Variants in EHBP1 observed in about 807,000 individuals in gnomAD.
EHBP1 encodes EH domain binding protein 1, also known as EH domain-binding protein 1.
Under a neutral mutation model 144.0 loss-of-function variants are expected in EHBP1, and 55 were observed. That is an observed-to-expected ratio of 0.38 (90% CI 0.31 to 0.48). The LOEUF (loss-of-function observed/expected upper bound fraction) is 0.48. EHBP1 is among the 20% of genes least tolerant of loss of function. The probability of loss-of-function intolerance (pLI) is 0.98; values close to 1 mark genes in which losing one functional copy is unlikely to be tolerated. For synonymous variants in EHBP1, 469 were observed against 472.7 expected, an observed-to-expected ratio of 0.99 and a Z score of 0.10; for missense variants, 1,200 against 1,364.2, an observed-to-expected ratio of 0.88 and a Z score of 1.90.
At chr2:62,710,362 AT>A in intron 2 of EHBP1, among the ~76,000 whole-genome samples, 1 of 152,006 alleles carries the variant, frequency 6.6e-6, no homozygotes, top group South Asian at 2.1e-4. Flanking sequence ...CATATTTTAT[AT>A]TTGTATTTAT....
At chr2:62,707,382 C>T (rs1407784287) in intron 2 of EHBP1, 87 bp downstream of exon 2, 9 of 980,654 alleles carry the variant, frequency 9.2e-6, no homozygotes, top group Admixed American at 5.4e-5. Context: ...AGTATATTTA[C>T]CTTTCTATAG....
At chr2:62,799,127 T>C (rs1487731451) in intron 5 of EHBP1, among the ~76,000 whole-genome samples, 1 of 152,122 alleles carries the variant, frequency 6.6e-6, no homozygotes. Flanking sequence ...AGGAAAGATG[T>C]ATGGTTAGAG....
At chr2:62,957,340 AACTTTATT>A (rs1356037421) in intron 14 of EHBP1, among the ~76,000 whole-genome samples, 1 of 152,170 alleles carries the variant, frequency 6.6e-6, no homozygotes, top group Non-Finnish European at 1.5e-5. Flanking sequence ...GATAGAAAGG[AACTTTATT>A]ACTTTATTAA....
At chr2:62,815,545 G>A (rs1280624788) in intron 5 of EHBP1, among the ~76,000 whole-genome samples, 3 of 152,164 alleles carry the variant, frequency 2.0e-5, no homozygotes, top group South Asian at 4.1e-4. Context: ...GCACTTGTCC[G>A]ATTACTTGAG....
At chr2:63,026,434 C>T (rs1017875020) in intron 19 of EHBP1, among the ~76,000 whole-genome samples, 4 of 152,014 alleles carry the variant, frequency 2.6e-5, no homozygotes, top group Non-Finnish European at 5.9e-5. Flanking sequence ...GAGCCTGGCA[C>T]TATTCTAAGT....
chr2:62,947,920 T>C (rs1450811486), intron 12 of EHBP1, among the ~76,000 whole-genome samples: 1 of 152,152 alleles, frequency 6.6e-6, no homozygotes, highest in Non-Finnish European at 1.5e-5. Flanking sequence ...AAAAGAGAGG[T>C]TGATAGAAAT....
At chr2:62,872,960 A>C (rs1015753984) in intron 9 of EHBP1, among the ~76,000 whole-genome samples, 6 of 152,186 alleles carry the variant, frequency 3.9e-5, no homozygotes, top group African/African-American at 1.4e-4. Flanking sequence ...CCTTATTCTG[A>C]TTTAGTGCCT....
intron 10 of EHBP1, among the ~76,000 whole-genome samples, chr2:62,879,546 A>AACACACACACACACACACAC (rs70962798): frequency 8.2e-5 from 11 of 133,790 alleles, no homozygotes; most frequent in East Asian, 6.8e-4. Flanking sequence ...TATTCACAAT[A>AACACACACACACACACACAC]ACACACACAC....
At chr2:62,874,067 T>C (rs1410745240) in intron 9 of EHBP1, among the ~76,000 whole-genome samples, 1 of 152,220 alleles carries the variant, frequency 6.6e-6, no homozygotes, top group African/African-American at 2.4e-5. Context: ...TTACTATTGT[T>C]AATATTTAAC....
intron 1 of EHBP1, among the ~76,000 whole-genome samples, chr2:62,691,594 T>A (rs2033907327): frequency 6.6e-6 from 1 of 152,184 alleles, no homozygotes; most frequent in South Asian, 2.1e-4. Flanking sequence ...CAATATTTGC[T>A]TCTGAACTCC....
intron 7 of EHBP1, among the ~76,000 whole-genome samples, chr2:62,857,006 G>A (rs1478296930): frequency 6.6e-6 from 1 of 152,146 alleles, no homozygotes; most frequent in African/African-American, 2.4e-5. Flanking sequence ...GATGGAGGAA[G>A]GGGGTCACAA....
chr2:62,727,371 G>GT (rs1283475775), intron 2 of EHBP1, among the ~76,000 whole-genome samples: 1 of 151,532 alleles, frequency 6.6e-6, no homozygotes, highest in Admixed American at 6.6e-5. Context: ...CAATTCAGTG[G>GT]TTTTTAATGT....
intron 12 of EHBP1, among the ~76,000 whole-genome samples, chr2:62,947,422 G>T (rs1179314794): frequency 6.6e-6 from 1 of 151,952 alleles, no homozygotes; most frequent in African/African-American, 2.4e-5. Context: ...CTTAATCTAG[G>T]TTGCTAAAAA....
intron 5 of EHBP1, among the ~76,000 whole-genome samples, chr2:62,823,237 C>A (rs1007198308): frequency 6.6e-6 from 1 of 152,032 alleles, no homozygotes; most frequent in Non-Finnish European, 1.5e-5. Context: ...GAACTAATTT[C>A]GAAAATACTG....
At chr2:62,727,017 C>T (rs2036869413) in intron 2 of EHBP1, among the ~76,000 whole-genome samples, 1 of 152,152 alleles carries the variant, frequency 6.6e-6, no homozygotes, top group Admixed American at 6.5e-5. Flanking sequence ...CACATGCCAC[C>T]ACGCCCGACT....
At chr2:62,927,162 A>G (rs1340561235) in intron 10 of EHBP1, among the ~76,000 whole-genome samples, 1 of 152,166 alleles carries the variant, frequency 6.6e-6, no homozygotes, top group Non-Finnish European at 1.5e-5. Context: ...CATAGAAGTA[A>G]AATGTAGAAC....
intron 7 of EHBP1, among the ~76,000 whole-genome samples, chr2:62,843,476 G>T (rs1227510537): frequency 6.6e-6 from 1 of 152,160 alleles, no homozygotes; most frequent in African/African-American, 2.4e-5. Flanking sequence ...GGCAGTGGGT[G>T]TCTAGATGTA....
At chr2:62,696,508 CTTTTTTTTTTTT>C (rs869081763) in intron 1 of EHBP1, among the ~76,000 whole-genome samples, 3 of 76,752 alleles carry the variant, frequency 3.9e-5, no homozygotes, top group African/African-American at 1.1e-4. Flanking sequence ...TTTTTTTCTT[CTTTTTTTTTTTT>C]TTTTTTTTTT....
In EHBP1 at chr2:62,858,353, C is replaced by T. The variant is rs147500481; in HGVS notation, c.635-816C>T. 2.2e-5 allele frequency: 27 copies of T among 1,255,118 alleles called. 1 individual carries two copies. The African/African-American group carries it at 2.8e-4, about 13-fold the overall frequency. The allele number at this position is 1,255,118 out of a possible 1,614,324, so 77.7% of individuals were successfully genotyped here. ...TGGGTAACAGCATGCTCCTACTTCT[C>T]TTTAATTAAATGACCTTACCTTATA... On this transcript the variant is annotated intron_variant, in intron 7 of 22. Coordinates refer to ENST00000431489, the MANE Select transcript of EHBP1 (RefSeq NM_001142616.3).
Sources: allele counts gnomAD v4.1 joint callset (sites outside exome capture counted in the v4.1 genomes callset), GRCh38; gene constraint gnomAD v4.1.1; transcripts MANE v1.5; gene names NCBI Gene and HGNC (gene_info 2026-07-23, HGNC 2026-07-21).